MAST2: variants seen among roughly 807,000 people sequenced by gnomAD.
MAST2 encodes microtubule-associated serine/threonine-protein kinase 2.
A neutral mutation model predicts 147.4 loss-of-function variants in MAST2; 70 were observed. The observed-to-expected ratio is 0.47, with a 90% CI of 0.39 to 0.58. The LOEUF is 0.58. MAST2 is among the 20% of genes least tolerant of loss of function. The pLI is 0.00. For synonymous variants in MAST2, 869 were observed against 896.8 expected (o/e 0.97, Z 0.55); for missense variants, 2,080 against 2,302.3 (o/e 0.90, Z 1.98).
Position 45,829,479 on chromosome 1 carries a change from T to C in MAST2, c.366T>C (p.Ser122=), listed in dbSNP as rs1570267969. 4.3e-6 allele frequency: 7 copies of C among 1,614,204 alleles called. No homozygotes were observed. The highest frequency in any genetic ancestry group is 2.7e-5 in the African/African-American group (2 of 75,064). Residue 122 remains serine, a synonymous_variant, in exon 3 of 29, where the codon AGT becomes AGC. Transcript: ENST00000361297. ...CTTTGTCCAGCAGTGTACATAGCAGTGTGGGACAGGTGACTTGGCAGTCGT... is the reference window on the plus strand; with the variant it reads ...CTTTGTCCAGCAGTGTACATAGCAGCGTGGGACAGGTGACTTGGCAGTCGT... The part of the protein sequence containing the change: ...LLPLSSSVHS[S]VGQVTWQSSG...
At chr1:45,941,640 T>C (rs1657288487) in intron 4 of MAST2, among the ~76,000 whole-genome samples, 2 of 152,250 alleles carry the variant, frequency 1.3e-5, no homozygotes, top group African/African-American at 4.8e-5. Context: ...GTTTTACTTA[T>C]CTTCCAATCT....
At chr1:45,911,675 CTG>C (rs1367287120) in intron 4 of MAST2, among the ~76,000 whole-genome samples, 2 of 151,852 alleles carry the variant, frequency 1.3e-5, no homozygotes, top group East Asian at 3.9e-4. Flanking sequence ...CTTAACTTCT[CTG>C]TGTCTTTAAA....
chr1:45,849,909 C>T (rs944282797), intron 3 of MAST2, among the ~76,000 whole-genome samples: 1 of 152,164 alleles, frequency 6.6e-6, no homozygotes, highest in Non-Finnish European at 1.5e-5. Flanking sequence ...CTGTGATTAA[C>T]ATGTGAGTAC....
chr1:45,984,053 T>C (rs1241510651), intron 5 of MAST2, among the ~76,000 whole-genome samples: 4 of 152,208 alleles, frequency 2.6e-5, no homozygotes, highest in Admixed American at 6.5e-5. Context: ...TTTGAAAACA[T>C]TGGAAATAGA....
intron 4 of MAST2, chr1:45,913,823 C>T: frequency 8.2e-7 from 1 of 1,212,192 alleles, no homozygotes; most frequent in Non-Finnish European, 1.1e-6. Flanking sequence ...CTTGAGTAGC[C>T]AGGAGAATGA....
intron 3 of MAST2, among the ~76,000 whole-genome samples, chr1:45,852,297 C>T (rs1160198599): frequency 6.6e-6 from 1 of 152,074 alleles, no homozygotes; most frequent in African/African-American, 2.4e-5. Context: ...TTTATATTTG[C>T]ACTCCCACCC....
intron 3 of MAST2, among the ~76,000 whole-genome samples, chr1:45,878,432 A>G (rs1373150940): frequency 2.0e-5 from 3 of 152,166 alleles, no homozygotes; most frequent in Non-Finnish European, 4.4e-5. Context: ...TGAAAAACCT[A>G]TAACTAACAT....
chr1:45,981,604 G>T (rs913375050), intron 5 of MAST2, among the ~76,000 whole-genome samples: 1 of 152,178 alleles, frequency 6.6e-6, no homozygotes, highest in Non-Finnish European at 1.5e-5. Context: ...CCCAGCAGGA[G>T]CTGTTACCTT....
intron 10 of MAST2, among the ~76,000 whole-genome samples, chr1:46,012,533 A>G (rs981496759): frequency 6.6e-6 from 1 of 152,188 alleles, no homozygotes; most frequent in Non-Finnish European, 1.5e-5. Flanking sequence ...TATACTGAAT[A>G]CTTTATATGA....
At chr1:45,939,523 C>T (rs1296334008) in intron 4 of MAST2, among the ~76,000 whole-genome samples, 1 of 90,820 alleles carries the variant, frequency 1.1e-5, no homozygotes, top group Non-Finnish European at 2.2e-5. Context: ...GTATGAGGAT[C>T]AATTTTTCAA....
At chr1:45,820,943 G>A (rs1220701867) in intron 1 of MAST2, among the ~76,000 whole-genome samples, 3 of 122,906 alleles carry the variant, frequency 2.4e-5, no homozygotes, top group African/African-American at 6.2e-5. Flanking sequence ...TCTGTTTCCC[G>A]GGCTGGAGTG....
rs1167856203 is a variant in MAST2, at chr1:45,941,677, T to TTTTTA, written c.501-17706_501-17705insTATTT. On this transcript the variant is annotated intron_variant, in intron 4 of 28. Coordinates refer to ENST00000361297, the MANE Select transcript of MAST2 (RefSeq NM_015112.3). ...TTTTATTTGTTTATTCCTATTTGTT[T>TTTTTA]TTTGTTTTTTTATTTGTTTATTCCT... 3.8e-4 allele frequency among the ~76,000 whole-genome samples: 57 copies of TTTTTA among 149,768 alleles called. No homozygotes were observed. The East Asian group carries it at 7.9e-3, about 21-fold the overall frequency.
chr1:45,842,718 C>T (rs1044103511), intron 3 of MAST2, among the ~76,000 whole-genome samples: 1 of 152,106 alleles, frequency 6.6e-6, no homozygotes, highest in African/African-American at 2.4e-5. Flanking sequence ...GCTGTTTCCA[C>T]CTTTTGGATA....
intron 3 of MAST2, among the ~76,000 whole-genome samples, chr1:45,837,306 A>G (rs1315056232): frequency 2.0e-5 from 3 of 152,088 alleles, no homozygotes; most frequent in Non-Finnish European, 2.9e-5. Flanking sequence ...TTTGGCAACT[A>G]CTGATGTGCT....
chr1:46,035,431 G>A lies in MAST2; in HGVS notation c.4762G>A (p.Ala1588Thr). The A allele has an allele frequency of 6.2e-7, 1 of 1,612,984 alleles. No individual in the cohort carries two copies. The highest frequency in any genetic ancestry group is 8.5e-7 in the Non-Finnish European group (1 of 1,179,776). Residue 1588 changes from alanine to threonine, a missense_variant, in exon 29 of 29, where the codon GCC (alanine) becomes ACC (threonine). This residue lies in a region of MAST2 where 1,278 missense variants were observed against 1,304.2 expected (regional missense o/e 0.98). Coordinates refer to ENST00000361297, the MANE Select transcript of MAST2 (RefSeq NM_015112.3). This position sits in a 1 kb window ranked among gnomAD's most constrained non-coding sequence, Gnocchi z 5.5. Reference sequence around the variant, plus strand: ...CCACAGGAGGCTCGGGAGCCCACAAGCCATTGAGGAGGCTGCCAGCTCCTC... The same window carrying A: ...CCACAGGAGGCTCGGGAGCCCACAAACCATTGAGGAGGCTGCCAGCTCCTC... ...GPHRRLGSPQ[A>T]IEEAASSSSA... is the part of the protein sequence containing the mutation.
chr1:45,803,670 A>C lies in MAST2; in HGVS notation c.-226A>C, dbSNP rs901384707. On this transcript the variant is annotated 5_prime_UTR_variant, in exon 1 of 29. Transcript: ENST00000361297. Reference sequence around the variant, plus strand: ...TGCCCAACGTGTGCTGGGTGGGAGAAGGCGAGGCGTCAGCGATGCTGTCTC... The same window carrying C: ...TGCCCAACGTGTGCTGGGTGGGAGACGGCGAGGCGTCAGCGATGCTGTCTC... 7 of 308,112 alleles carry C rather than the reference A, an allele frequency of 2.3e-5. No individual in the cohort carries two copies. Among genetic ancestry groups the C allele is most frequent in the Admixed American group, 5.1e-5 (1 of 19,562 alleles). The allele number at this position is 308,112 out of a possible 1,614,324, so 19.1% of individuals were successfully genotyped here. A position where few individuals can be genotyped will look rare whatever the true frequency, so the allele number is the denominator to read the frequency against.
At chr1:45,936,542 A>C (rs1656222131) in intron 4 of MAST2, among the ~76,000 whole-genome samples, 2 of 152,200 alleles carry the variant, frequency 1.3e-5, no homozygotes, top group East Asian at 1.9e-4. Flanking sequence ...TTTGATGCTT[A>C]GTTTGTTGAG....
chr1:45,824,404 C>T, intron 1 of MAST2, 29 bp from the exon 2 acceptor site: 1 of 1,550,862 alleles, frequency 6.4e-7, no homozygotes, highest in African/African-American at 1.4e-5. Flanking sequence ...ATATTAAAGA[C>T]TCATGTTTTA....
At chr1:46,018,805 A>G (rs1317386008) in intron 10 of MAST2, among the ~76,000 whole-genome samples, 2 of 152,142 alleles carry the variant, frequency 1.3e-5, no homozygotes, top group African/African-American at 4.8e-5. Flanking sequence ...GAAAAAAGAG[A>G]AAGGCCCATC....
Sources: allele counts gnomAD v4.1 joint callset (sites outside exome capture counted in the v4.1 genomes callset), GRCh38; gene constraint gnomAD v4.1.1; regional missense constraint gnomAD v4.1.1; non-coding constraint Gnocchi (gnomAD v3.1); transcripts MANE v1.5; gene names NCBI Gene and HGNC (gene_info 2026-07-23, HGNC 2026-07-21).